ABCA13: variants seen among roughly 807,000 people sequenced by gnomAD.
The protein encoded by ABCA13 is ATP binding cassette subfamily A member 13.
Under a neutral mutation model 478.7 loss-of-function variants are expected in ABCA13, and 476 were observed. That is an observed-to-expected ratio of 0.99 (90% confidence interval 0.92 to 1.07). The LOEUF is 1.07. Among genes scored for constraint, ABCA13 ranks in the 50% least tolerant of loss-of-function variants. ABCA13 has a pLI of 0.00. For synonymous variants in ABCA13, 2,252 were observed against 2,158.9 expected (o/e 1.04, Z -1.20); for missense variants, 6,060 against 5,910.6 (o/e 1.03, Z -0.83).
Position 48,576,061 on chromosome 7 carries a change from G to T in ABCA13, c.14355-4163G>T, listed in dbSNP as rs79361896. ...TTATATAGCATTTACATTGCATTAGGTATTATAAGTCATCTAGAAATGATT... is the reference window on the plus strand; with the variant it reads ...TTATATAGCATTTACATTGCATTAGTTATTATAAGTCATCTAGAAATGATT... On this transcript the variant is annotated intron_variant, in intron 55 of 61. Transcript: ENST00000435803. Among the ~76,000 whole-genome samples the T allele has an allele frequency of 6.2e-3, 944 of 152,220 alleles. 10 individuals are homozygous for T. The highest frequency in any genetic ancestry group is 0.022 in the African/African-American group (898 of 41,548).
At chr7:48,594,949 G>T in intron 58 of ABCA13, 136 bp downstream of exon 58, 1 of 735,568 alleles carries the variant, frequency 1.4e-6, no homozygotes, top group Non-Finnish European at 2.2e-6. Context: ...TGATATTATT[G>T]TTAGCCCTCA....
intron 25 of ABCA13, 52 bp from the exon 26 acceptor site, chr7:48,314,180 G>T: frequency 6.4e-7 from 1 of 1,564,346 alleles, no homozygotes; most frequent in East Asian, 2.2e-5. Context: ...GTGTGTGAAG[G>T]AATTGTTTTA....
At chr7:48,441,323 A>G (rs1755136627) in intron 42 of ABCA13, among the ~76,000 whole-genome samples, 1 of 152,178 alleles carries the variant, frequency 6.6e-6, no homozygotes, top group Non-Finnish European at 1.5e-5. Context: ...AGCCATTTAC[A>G]AAAGCCTTTC....
chr7:48,257,587 T>A (rs1329747766), intron 15 of ABCA13, among the ~76,000 whole-genome samples: 1 of 152,254 alleles, frequency 6.6e-6, no homozygotes, highest in African/African-American at 2.4e-5. Flanking sequence ...TAGTTCTGTT[T>A]ATGTGATAAA....
At chr7:48,276,860 G>C (rs1372976574) in intron 17 of ABCA13, among the ~76,000 whole-genome samples, 2 of 152,080 alleles carry the variant, frequency 1.3e-5, no homozygotes. Context: ...TGAAAAATTA[G>C]TTTTCATAGC....
chr7:48,321,632 C>T (rs1299311115), intron 27 of ABCA13, among the ~76,000 whole-genome samples: 1 of 152,198 alleles, frequency 6.6e-6, no homozygotes, highest in Admixed American at 6.5e-5. Context: ...ACATCCATGT[C>T]CTGAGCCAGT....
intron 59 of ABCA13, among the ~76,000 whole-genome samples, chr7:48,635,064 T>C (rs1381550468): frequency 6.6e-6 from 1 of 152,002 alleles, no homozygotes; most frequent in Non-Finnish European, 1.5e-5. Flanking sequence ...CTGGGAGGGC[T>C]CCTTCCAGTG....
intron 43 of ABCA13, among the ~76,000 whole-genome samples, chr7:48,464,233 T>C (rs1826621798): frequency 6.6e-6 from 1 of 152,162 alleles, no homozygotes; most frequent in Admixed American, 6.5e-5. Flanking sequence ...GGAAAAAGCA[T>C]TTGAAGTTTG....
chr7:48,558,582 G>A (rs1786113618), intron 55 of ABCA13, among the ~76,000 whole-genome samples: 1 of 152,106 alleles, frequency 6.6e-6, no homozygotes, highest in Non-Finnish European at 1.5e-5. Flanking sequence ...ACAGACATGA[G>A]CCACTGCACC....
At chr7:48,338,585 A>G (rs969203865) in intron 29 of ABCA13, 130 bp downstream of exon 29, 11 of 584,856 alleles carry the variant, frequency 1.9e-5, no homozygotes, top group African/African-American at 3.8e-5. Flanking sequence ...CTCAGTTTCT[A>G]TTTTCTTATC....
chr7:48,504,843 G>A (rs1432687289), intron 48 of ABCA13, among the ~76,000 whole-genome samples: 1 of 152,192 alleles, frequency 6.6e-6, no homozygotes, highest in Non-Finnish European at 1.5e-5. Context: ...CAAGTGAGAA[G>A]CTCCCTGTGA....
chr7:48,334,877 C>T (rs951358721), intron 27 of ABCA13, among the ~76,000 whole-genome samples: 1 of 152,160 alleles, frequency 6.6e-6, no homozygotes, highest in Non-Finnish European at 1.5e-5. Context: ...TTTATTTAAA[C>T]TATTTCCTTA....
At chr7:48,508,083 A>G in intron 50 of ABCA13, 34 bp downstream of exon 50, 6 of 1,613,408 alleles carry the variant, frequency 3.7e-6, no homozygotes, top group Non-Finnish European at 5.1e-6. Context: ...GTGTGCCTCC[A>G]CAATAGTGAT....
In ABCA13 at chr7:48,376,470, C is replaced by T; in HGVS notation, c.11233C>T (p.Leu3745=). 8 of 1,613,866 alleles carry T rather than the reference C, an allele frequency of 5.0e-6. No homozygotes were observed. Among genetic ancestry groups the T allele is most frequent in the Non-Finnish European group, 6.8e-6 (8 of 1,179,842 alleles). Reference sequence around the variant, plus strand: ...TCAATGGAATAATATGTACCAGGCTCTGGAACAAGGGGGCATGACATTTGG... The same window carrying T: ...TCAATGGAATAATATGTACCAGGCTTTGGAACAAGGGGGCATGACATTTGG... ...GIQWNNMYQA[L]EQGGMTFGWV... The change falls in exon 35 of 62, where the codon CTG becomes TTG. Residue 3745 remains leucine (L), a synonymous_variant. Coordinates refer to ENST00000435803, the MANE Select transcript of ABCA13 (RefSeq NM_152701.5).
chr7:48,327,213 C>T (rs955728567), intron 27 of ABCA13, among the ~76,000 whole-genome samples: 1 of 152,074 alleles, frequency 6.6e-6, no homozygotes, highest in Non-Finnish European at 1.5e-5. Flanking sequence ...CCTCAGGAAA[C>T]TTACAATCAT....
At chr7:48,633,546 C>A (rs965904682) in intron 59 of ABCA13, among the ~76,000 whole-genome samples, 35 of 151,894 alleles carry the variant, frequency 2.3e-4, no homozygotes, top group Non-Finnish European at 4.7e-4. Context: ...TCAATAAATT[C>A]AAAAAATTGA....
intron 35 of ABCA13, among the ~76,000 whole-genome samples, chr7:48,382,644 C>T (rs1424689339): frequency 6.6e-6 from 1 of 152,216 alleles, no homozygotes; most frequent in Non-Finnish European, 1.5e-5. Context: ...TCTAGCATCC[C>T]TCCCAGCATC....
rs1826941351 is a variant in ABCA13, at chr7:48,466,945, A to T, written c.12816-11A>T. On this transcript the variant is annotated splice_polypyrimidine_tract_variant and intron_variant, in intron 43 of 61. Transcript: ENST00000435803. Reference sequence around the variant, plus strand: ...CCCACTTTGTTTCCTTTGTCTCACAATGAACAGCAGCAGTGGGGGCGACAA... The same window carrying T: ...CCCACTTTGTTTCCTTTGTCTCACATTGAACAGCAGCAGTGGGGGCGACAA... The T allele has an allele frequency of 6.2e-7, 1 of 1,613,826 alleles. No homozygotes were observed. The highest frequency in any genetic ancestry group is 1.1e-5 in the South Asian group (1 of 91,084).
chr7:48,437,123 G>A (rs901421216), intron 42 of ABCA13, among the ~76,000 whole-genome samples: 3 of 151,712 alleles, frequency 2.0e-5, no homozygotes, highest in East Asian at 3.9e-4. Flanking sequence ...AGGTATTGAG[G>A]TTTCCTACTA....
Sources: gnomAD v4.1 joint callset for allele counts (sites outside exome capture counted in the v4.1 genomes callset) on GRCh38, gnomAD v4.1.1 for gene constraint, MANE v1.5 for transcripts, NCBI Gene and HGNC (gene_info 2026-07-23, HGNC 2026-07-21) for gene names.